HTR7: variants seen among roughly 807,000 people sequenced by gnomAD.
HTR7 encodes the protein 5-HT-7.
HTR7 carries 16 observed loss-of-function variants against 34.0 expected under a neutral mutation model. The ratio of observed to expected loss-of-function variants is 0.47; its 90% CI spans 0.32 to 0.71. The LOEUF (loss-of-function observed/expected upper bound fraction) is 0.71, where lower values mean the gene tolerates loss of function less well. Ranked by LOEUF, HTR7 falls within the 30% of genes least tolerant of loss-of-function variation. The probability of loss-of-function intolerance (pLI) is 0.04; values close to 1 mark genes in which losing one functional copy is unlikely to be tolerated. For missense variants in HTR7, 504 were observed against 625.5 expected (o/e 0.81, Z 2.07); for synonymous variants, 265 against 260.2 (o/e 1.02, Z -0.18).
chr10:90,838,159 C>A (rs1405310360), intron 1 of HTR7, among the ~76,000 whole-genome samples: 1 of 152,196 alleles, frequency 6.6e-6, no homozygotes, highest in Non-Finnish European at 1.5e-5. Flanking sequence ...ATTCTAGACT[C>A]ATATTCAAAT....
chr10:90,744,413 T>C lies in HTR7; in HGVS notation c.1296-723A>G, dbSNP rs137882736. 9.2e-4 allele frequency among the ~76,000 whole-genome samples: 140 copies of C among 152,026 alleles called. No homozygotes were observed. In the Middle Eastern group the frequency reaches 0.014, roughly 15 times the overall value. ...ATGAAGAGACTCCTTACATCCATTT[T>C]CTACATTTGGAGTTATCCACACAGT... On this transcript the variant is annotated intron_variant, in intron 2 of 3. Transcript: ENST00000336152.
chr10:90,832,211 C>T (rs141384514), intron 1 of HTR7, among the ~76,000 whole-genome samples: 3,104 of 152,272 alleles, frequency 0.02, 96 homozygotes, highest in African/African-American at 0.071. Context: ...TGGGACCAGG[C>T]GCCGTGGAGC....
In HTR7 at chr10:90,749,429, C is replaced by T. The variant is rs538814577; in HGVS notation, c.705G>A (p.Gln235=). 143 of 1,614,164 alleles carry T rather than the reference C, an allele frequency of 8.9e-5. 1 individual carries two copies. The South Asian group carries it at 1.2e-3, about 13-fold the overall frequency. The part of the protein sequence containing the change: ...VNDDKVCLIS[Q]DFGYTIYSTA... ...TAGAGTAAATCGTATAGCCAAAGTCCTGGCTGATCAAGCACACCTTATCAT... is the reference window on the plus strand; with the variant it reads ...TAGAGTAAATCGTATAGCCAAAGTCTTGGCTGATCAAGCACACCTTATCAT... The change falls in exon 2 of 4, where the codon CAG becomes CAA. Residue 235 remains glutamine, a synonymous_variant. Transcript: ENST00000336152. This position sits in a 1 kb window ranked among gnomAD's most constrained non-coding sequence, Gnocchi z 4.2.
chr10:90,857,687 C>T lies in HTR7; in HGVS notation c.-16G>A. ...CGTCCATCATCGCGCCGCCGTGTGC[C>T]GCTGCCCATGGAGCCGGCGCCCCGG... On this transcript the variant is annotated 5_prime_UTR_variant, in exon 1 of 4. Transcript: ENST00000336152. The surrounding 1 kb of genome is among the most constrained non-coding windows in gnomAD (Gnocchi z 6.5). The T allele has an allele frequency of 6.6e-7, 1 of 1,514,920 alleles. No individual in the cohort carries two copies. The highest frequency in any genetic ancestry group is 8.7e-7 in the Non-Finnish European group (1 of 1,144,418). 93.8% of individuals were successfully genotyped at this position (1,514,920 alleles called of 1,614,324 possible). A position where few individuals can be genotyped will look rare whatever the true frequency, so the allele number is the denominator to read the frequency against.
rs372016750 is a variant in HTR7, at chr10:90,819,518, T to C, written c.539+37615A>G. Among the ~76,000 whole-genome samples the C allele has an allele frequency of 2.6e-4, 40 of 152,268 alleles. No individual in the cohort carries two copies. The East Asian group carries it at 3.3e-3, about 12-fold the overall frequency. On this transcript the variant is annotated intron_variant, in intron 1 of 3. Transcript: ENST00000336152. ...GAGTACATCATCCCTTTTTAATTTC[T>C]CCTAAAATATCCATTGATTTGTAGG...
intron 1 of HTR7, among the ~76,000 whole-genome samples, chr10:90,784,503 C>G (rs1000388784): frequency 6.6e-6 from 1 of 152,198 alleles, no homozygotes; most frequent in Non-Finnish European, 1.5e-5. Flanking sequence ...AATGCCAGCA[C>G]ATAGGTCATC....
At chr10:90,845,352 T>C (rs553314204) in intron 1 of HTR7, among the ~76,000 whole-genome samples, 1 of 152,258 alleles carries the variant, frequency 6.6e-6, no homozygotes, top group East Asian at 1.9e-4. Flanking sequence ...AACAATATCC[T>C]CCTCATATAG....
chr10:90,768,679 A>G (rs1272520570), intron 1 of HTR7, among the ~76,000 whole-genome samples: 1 of 152,216 alleles, frequency 6.6e-6, no homozygotes, highest in Non-Finnish European at 1.5e-5. Flanking sequence ...CAAGTATTAA[A>G]TTGTGGGACT....
intron 1 of HTR7, among the ~76,000 whole-genome samples, chr10:90,822,774 A>T (rs1161967556): frequency 6.6e-6 from 1 of 152,182 alleles, no homozygotes; most frequent in Non-Finnish European, 1.5e-5. Context: ...CAGGACCAGG[A>T]ACCTGCTGCT....
At chr10:90,831,573 G>C (rs578132666) in intron 1 of HTR7, among the ~76,000 whole-genome samples, 1 of 152,186 alleles carries the variant, frequency 6.6e-6, no homozygotes, top group African/African-American at 2.4e-5. Context: ...GGACCCCAGC[G>C]GGTTGCCACT....
At chr10:90,766,394 C>T (rs908858457) in intron 1 of HTR7, among the ~76,000 whole-genome samples, 1 of 152,208 alleles carries the variant, frequency 6.6e-6, no homozygotes, top group Non-Finnish European at 1.5e-5. Context: ...CATTTTCCAT[C>T]CCACTTTCAG....
At chr10:90,852,017 G>A (rs958393161) in intron 1 of HTR7, among the ~76,000 whole-genome samples, 1 of 151,942 alleles carries the variant, frequency 6.6e-6, no homozygotes, top group Non-Finnish European at 1.5e-5. Flanking sequence ...CCCAGTCTTG[G>A]GTACGTCTTT....
intron 1 of HTR7, among the ~76,000 whole-genome samples, chr10:90,760,252 T>C (rs1333373903): frequency 6.6e-6 from 1 of 152,116 alleles, no homozygotes; most frequent in Non-Finnish European, 1.5e-5. Flanking sequence ...ATAAGCCAGG[T>C]ACAGAAAGTT....
intron 1 of HTR7, among the ~76,000 whole-genome samples, chr10:90,793,466 A>ATG (rs895191257): frequency 2.1e-4 from 31 of 148,086 alleles, no homozygotes; most frequent in Non-Finnish European, 2.2e-4. Flanking sequence ...AATTATATAT[A>ATG]TATATATTTA....
chr10:90,803,337 G>A (rs971546023), intron 1 of HTR7, among the ~76,000 whole-genome samples: 8 of 152,062 alleles, frequency 5.3e-5, no homozygotes, highest in African/African-American at 1.9e-4. Context: ...CTTGGGGTAG[G>A]GTATTCACAT....
chr10:90,816,357 T>A (rs903656455), intron 1 of HTR7, among the ~76,000 whole-genome samples: 2 of 152,214 alleles, frequency 1.3e-5, no homozygotes, highest in African/African-American at 4.8e-5. Context: ...ATTTTGCACA[T>A]AAATTGGCCA....
chr10:90,751,720 G>A lies in HTR7; in HGVS notation c.540-2126C>T, dbSNP rs142755558. 3.8e-3 allele frequency among the ~76,000 whole-genome samples: 585 copies of A among 152,218 alleles called. 2 individuals carry two copies. The highest frequency in any genetic ancestry group is 6.2e-3 in the Non-Finnish European group (424 of 68,006). ...ACAAAAAAGGTTGTATTTTATTTGT[G>A]GAGCATTTAAAAAATTAGCATGCCT... On this transcript the variant is annotated intron_variant, in intron 1 of 3. Coordinates refer to ENST00000336152, the MANE Select transcript of HTR7 (RefSeq NM_019859.4).
chr10:90,747,640 C>T (rs1306694051), intron 2 of HTR7, among the ~76,000 whole-genome samples: 3 of 152,108 alleles, frequency 2.0e-5, no homozygotes, highest in Middle Eastern at 3.2e-3. Context: ...AAGTGTGAGA[C>T]ATCTCACTTT....
At chr10:90,840,921 G>A (rs1243374306) in intron 1 of HTR7, among the ~76,000 whole-genome samples, 2 of 152,184 alleles carry the variant, frequency 1.3e-5, no homozygotes, top group Non-Finnish European at 2.9e-5. Flanking sequence ...TCCAAGGCCT[G>A]GGCAGTATTC....
Sources: gnomAD v4.1 joint callset for allele counts (sites outside exome capture counted in the v4.1 genomes callset) on GRCh38, gnomAD v4.1.1 for gene constraint, Gnocchi (gnomAD v3.1) non-coding constraint, MANE v1.5 for transcripts, NCBI Gene and HGNC (gene_info 2026-07-23, HGNC 2026-07-21) for gene names.